The following HERC4 variants were observed in gnomAD, a reference collection of about 807,000 sequenced individuals.
The protein encoded by HERC4 is probable E3 ubiquitin-protein ligase HERC4.
HERC4 carries 28 observed loss-of-function variants against 124.3 expected under a neutral mutation model. The observed-to-expected ratio is 0.23, with a 90% CI of 0.17 to 0.31. The LOEUF is 0.31. Ranked by LOEUF, HERC4 falls within the 10% of genes least tolerant of loss-of-function variation. The pLI is 1.00. For synonymous variants in HERC4, 407 were observed against 421.5 expected (o/e 0.97, Z 0.42); for missense variants, 713 against 1,229.3 (o/e 0.58, Z 6.28).
At chr10:68,034,531 G>T (rs770524474) in intron 5 of HERC4, among the ~76,000 whole-genome samples, 27 of 152,062 alleles carry the variant, frequency 1.8e-4, no homozygotes, top group Admixed American at 6.6e-5. Context: ...CTCCCAAGAG[G>T]CACTCATTCA....
At chr10:68,039,008 AG>A (rs34267546) in intron 4 of HERC4, among the ~76,000 whole-genome samples, 1 of 151,962 alleles carries the variant, frequency 6.6e-6, no homozygotes, top group Admixed American at 6.6e-5. Flanking sequence ...CAAGAAAAAA[AG>A]GGGGGATGCC....
intron 7 of HERC4, among the ~76,000 whole-genome samples, chr10:68,031,903 C>T (rs928083595): frequency 6.6e-6 from 1 of 151,986 alleles, no homozygotes; most frequent in Non-Finnish European, 1.5e-5. Context: ...AGGTGCCTGC[C>T]GCCATGCCCA....
At chr10:67,944,620 G>A (rs974770414) in intron 19 of HERC4, among the ~76,000 whole-genome samples, 1 of 152,190 alleles carries the variant, frequency 6.6e-6, no homozygotes, top group African/African-American at 2.4e-5. Flanking sequence ...TAAGGCACCA[G>A]TGACCAATCA....
chr10:68,041,689 A>G (rs2039775918), intron 4 of HERC4, among the ~76,000 whole-genome samples: 1 of 152,182 alleles, frequency 6.6e-6, no homozygotes, highest in South Asian at 2.1e-4. Flanking sequence ...TCTGTGTGCA[A>G]AGTTATGTGT....
intron 4 of HERC4, among the ~76,000 whole-genome samples, chr10:68,042,263 TC>T (rs2039807792): frequency 2.0e-5 from 3 of 152,106 alleles, no homozygotes; most frequent in African/African-American, 7.2e-5. Context: ...CACCTCGGCC[TC>T]CCAAAGTGCT....
rs986439701 is a variant in HERC4 at position 67,990,265 on chromosome 10, T to C, written c.1579A>G (p.Ile527Val). The C allele has an allele frequency of 5.9e-5, 95 of 1,612,580 alleles. 2 individuals are homozygous for C. The highest frequency in any genetic ancestry group is 1.7e-6 in the Non-Finnish European group (2 of 1,179,318). Residue 527 changes from isoleucine (I) to valine (V), a missense_variant, in exon 14 of 25, where the codon ATT (isoleucine) becomes GTT (valine). Physicochemically the swap from Ile to Val is conservative, Grantham distance 29. Transcript: ENST00000373700. ...TTCACAAGAGCTGTACCAAAGGGAA[T>C]TGCTATTGTTGTGAAATTGTTGGAA... Reference protein sequence around the residue: ...SDSNNFTTIAIPFGTALVNLE... With the variant: ...SDSNNFTTIAVPFGTALVNLE...
chr10:67,966,947 C>T (rs750498325), intron 15 of HERC4, 145 bp from the exon 16 acceptor site: 50 of 476,282 alleles, frequency 1.0e-4, no homozygotes, highest in Middle Eastern at 5.9e-4. Flanking sequence ...CTCTGCCTCC[C>T]GGGTTCACGC....
intron 9 of HERC4, among the ~76,000 whole-genome samples, chr10:68,004,781 C>G (rs757218259): frequency 7.2e-5 from 11 of 152,112 alleles, no homozygotes; most frequent in African/African-American, 1.4e-4. Flanking sequence ...TGGGGTAGAG[C>G]CCCTTATAAA....
intron 9 of HERC4, among the ~76,000 whole-genome samples, chr10:67,999,521 T>C (rs1359887801): frequency 1.3e-5 from 2 of 152,164 alleles, no homozygotes; most frequent in East Asian, 3.8e-4. Flanking sequence ...GACACTTGGG[T>C]ATAGGGTTCT....
chr10:68,018,989 C>CTT (rs1415641179), intron 8 of HERC4, among the ~76,000 whole-genome samples: 1 of 107,426 alleles, frequency 9.3e-6, no homozygotes, highest in African/African-American at 3.6e-5. Flanking sequence ...CCAAAGCATT[C>CTT]TTTCTTTTTT....
intron 9 of HERC4, 39 bp from the exon 10 acceptor site, chr10:67,992,721 C>T (rs1160189680): frequency 1.2e-5 from 12 of 1,033,198 alleles, no homozygotes; most frequent in Non-Finnish European, 1.7e-5. Flanking sequence ...CCAAGATTTA[C>T]ATAACATATT....
chr10:67,982,810 A>G (rs948171417), intron 15 of HERC4, among the ~76,000 whole-genome samples: 1 of 152,168 alleles, frequency 6.6e-6, no homozygotes, highest in Admixed American at 6.5e-5. Flanking sequence ...CTGAATAGAC[A>G]TTCCTCAAAA....
intron 3 of HERC4, among the ~76,000 whole-genome samples, chr10:68,056,384 G>A (rs142714524): frequency 1.3e-5 from 2 of 152,266 alleles, no homozygotes; most frequent in African/African-American, 4.8e-5. Context: ...TTCCTTCTAT[G>A]TGCACCATAG....
intron 7 of HERC4, among the ~76,000 whole-genome samples, chr10:68,030,817 A>C (rs1167149821): frequency 6.6e-6 from 1 of 152,236 alleles, no homozygotes; most frequent in Non-Finnish European, 1.5e-5. Flanking sequence ...CTTGAAAAAA[A>C]TGTGACATCT....
At chr10:67,964,604 T>A (rs149633054) in intron 16 of HERC4, among the ~76,000 whole-genome samples, 9 of 152,258 alleles carry the variant, frequency 5.9e-5, no homozygotes, top group African/African-American at 9.6e-5. Flanking sequence ...GCCAACAAAG[T>A]GATCATTCAA....
At chr10:67,977,702 C>G (rs994123916) in intron 15 of HERC4, among the ~76,000 whole-genome samples, 1 of 152,154 alleles carries the variant, frequency 6.6e-6, no homozygotes, top group South Asian at 2.1e-4. Flanking sequence ...CCCTTAAGGA[C>G]CAGGCATGGT....
intron 19 of HERC4, among the ~76,000 whole-genome samples, chr10:67,953,465 T>C (rs1430930240): frequency 2.0e-5 from 3 of 152,174 alleles, no homozygotes; most frequent in Non-Finnish European, 4.4e-5. Context: ...GAACATTCTG[T>C]CATAGTAAGT....
intron 3 of HERC4, among the ~76,000 whole-genome samples, chr10:68,047,318 G>A (rs1241746054): frequency 6.6e-6 from 1 of 151,930 alleles, no homozygotes; most frequent in Non-Finnish European, 1.5e-5. Flanking sequence ...ACTACACTGA[G>A]AAGCCAATAA....
chr10:68,008,170 G>C (rs754990944), intron 9 of HERC4, among the ~76,000 whole-genome samples: 2 of 152,078 alleles, frequency 1.3e-5, no homozygotes, highest in Non-Finnish European at 2.9e-5. Context: ...CTCTCTCTCT[G>C]TGCTGAGATT....
Sources: allele counts gnomAD v4.1 joint callset (sites outside exome capture counted in the v4.1 genomes callset), GRCh38; gene constraint gnomAD v4.1.1; transcripts MANE v1.5; gene names NCBI Gene and HGNC (gene_info 2026-07-23, HGNC 2026-07-21).